ALCAM: variants seen among roughly 807,000 people sequenced by gnomAD.
The protein encoded by ALCAM is activated leukocyte cell adhesion molecule, also known as CD166 antigen.
A neutral mutation model predicts 70.9 loss-of-function variants in ALCAM; 30 were observed. That is an observed-to-expected ratio of 0.42 (90% CI 0.32 to 0.57). The LOEUF is 0.57. ALCAM is among the 20% of genes least tolerant of loss of function. ALCAM has a pLI of 0.11. For missense variants in ALCAM, 591 were observed against 695.1 expected (o/e 0.85, Z 1.68); for synonymous variants, 249 against 242.5 (o/e 1.03, Z -0.25).
intron 1 of ALCAM, among the ~76,000 whole-genome samples, chr3:105,517,602 T>C (rs1274047747): frequency 3.3e-5 from 5 of 152,172 alleles, no homozygotes; most frequent in African/African-American, 9.6e-5. Flanking sequence ...AATCAATCTT[T>C]AATTTCTCTT....
At chr3:105,370,664 C>CT (rs959708135) in intron 1 of ALCAM, among the ~76,000 whole-genome samples, 9 of 150,810 alleles carry the variant, frequency 6.0e-5, no homozygotes, top group African/African-American at 1.9e-4. Context: ...TTCTAATTTC[C>CT]TTTTTTTTTC....
chr3:105,403,935 CA>C (rs1936155223), intron 1 of ALCAM, among the ~76,000 whole-genome samples: 1 of 150,570 alleles, frequency 6.6e-6, no homozygotes, highest in African/African-American at 2.4e-5. Context: ...TAGAGAAATG[CA>C]AAATGTACTA....
intron 1 of ALCAM, among the ~76,000 whole-genome samples, chr3:105,475,945 A>G (rs1412423456): frequency 6.6e-6 from 1 of 151,950 alleles, no homozygotes; most frequent in African/African-American, 2.4e-5. Context: ...GTAAATAGCT[A>G]TCTATAACTG....
chr3:105,422,408 A>T (rs1559786255), intron 1 of ALCAM, among the ~76,000 whole-genome samples: 1 of 150,806 alleles, frequency 6.6e-6, no homozygotes, highest in African/African-American at 2.4e-5. Context: ...TCAGGCAGAA[A>T]TTTTTTTTTA....
chr3:105,386,370 C>T (rs1289722326), intron 1 of ALCAM, among the ~76,000 whole-genome samples: 1 of 151,554 alleles, frequency 6.6e-6, no homozygotes, highest in Non-Finnish European at 1.5e-5. Flanking sequence ...AATAGAAATA[C>T]TCAAGGCTGG....
chr3:105,536,933 A>G (rs1416547191), intron 6 of ALCAM, among the ~76,000 whole-genome samples: 1 of 152,138 alleles, frequency 6.6e-6, no homozygotes, highest in Non-Finnish European at 1.5e-5. Context: ...TTTAGTGGGT[A>G]TAGGACGGTG....
At chr3:105,528,997 A>T (rs987876884) in intron 3 of ALCAM, among the ~76,000 whole-genome samples, 1 of 152,188 alleles carries the variant, frequency 6.6e-6, no homozygotes, top group African/African-American at 2.4e-5. Context: ...CAACACACAC[A>T]TGCGTGCACA....
At chr3:105,521,933 G>A (rs149313305) in intron 2 of ALCAM, among the ~76,000 whole-genome samples, 2 of 152,302 alleles carry the variant, frequency 1.3e-5, no homozygotes, top group East Asian at 3.9e-4. Context: ...AGGCCTCTGA[G>A]GACAGAGTCT....
At chr3:105,407,867 A>C (rs1471050764) in intron 1 of ALCAM, among the ~76,000 whole-genome samples, 1 of 152,188 alleles carries the variant, frequency 6.6e-6, no homozygotes, top group Non-Finnish European at 1.5e-5. Flanking sequence ...AAGTTTCAGG[A>C]CACAAAATTA....
At chr3:105,454,653 A>ATTTTTTTTTTTTTTTTTTTTTTTT (rs59389132) in intron 1 of ALCAM, among the ~76,000 whole-genome samples, 4 of 61,756 alleles carry the variant, frequency 6.5e-5, no homozygotes, top group Non-Finnish European at 8.2e-5. Flanking sequence ...ATGCTCATTA[A>ATTTTTTTTTTTTTTTTTTTTTTTT]TTTTTTTTTT....
At chr3:105,531,242 A>T (rs548014885) in intron 3 of ALCAM, 4 of 152,066 alleles carry the variant, frequency 2.6e-5, no homozygotes. Context: ...CTTTTAATCA[A>T]TTGCTCCTGA....
chr3:105,500,261 C>T (rs1016850967), intron 1 of ALCAM, among the ~76,000 whole-genome samples: 1 of 152,086 alleles, frequency 6.6e-6, no homozygotes, highest in Non-Finnish European at 1.5e-5. Flanking sequence ...TGTAAGCCTG[C>T]CTGCCTTCTT....
chr3:105,466,719 ATGACCTGAAT>A (rs1221695746), intron 1 of ALCAM, among the ~76,000 whole-genome samples: 1 of 151,418 alleles, frequency 6.6e-6, no homozygotes, highest in Non-Finnish European at 1.5e-5. Flanking sequence ...TTAGTGACAA[ATGACCTGAAT>A]TGATTCTATC....
chr3:105,425,334 G>C (rs920498983), intron 1 of ALCAM, among the ~76,000 whole-genome samples: 3 of 151,644 alleles, frequency 2.0e-5, no homozygotes, highest in Non-Finnish European at 4.4e-5. Flanking sequence ...ATATACCTAG[G>C]CTTGAGCAGG....
chr3:105,526,483 C>A (rs983656796), intron 3 of ALCAM, among the ~76,000 whole-genome samples: 3 of 152,046 alleles, frequency 2.0e-5, no homozygotes, highest in African/African-American at 4.8e-5. Flanking sequence ...GCCAACACCC[C>A]CCTACTCCCT....
chr3:105,416,055 G>C (rs917123067), intron 1 of ALCAM, among the ~76,000 whole-genome samples: 1 of 151,934 alleles, frequency 6.6e-6, no homozygotes, highest in Non-Finnish European at 1.5e-5. Context: ...CTCTCTCCTT[G>C]TCCCCAAATT....
At chr3:105,526,257 T>C (rs1241337968) in intron 3 of ALCAM, among the ~76,000 whole-genome samples, 3 of 150,574 alleles carry the variant, frequency 2.0e-5, no homozygotes, top group Admixed American at 6.6e-5. Context: ...TTTGGAAGAA[T>C]TATTTGTGAC....
chr3:105,531,019 A>T (rs1383798838), intron 3 of ALCAM, among the ~76,000 whole-genome samples: 1 of 152,100 alleles, frequency 6.6e-6, no homozygotes, highest in Non-Finnish European at 1.5e-5. Context: ...TAAAAGAAAA[A>T]GTAGCTGATT....
At chr3:105,562,851 G>A (rs1276224290) in intron 14 of ALCAM, among the ~76,000 whole-genome samples, 1 of 152,034 alleles carries the variant, frequency 6.6e-6, no homozygotes, top group Non-Finnish European at 1.5e-5. Context: ...TGTTGCCCAG[G>A]CTGGAGCGCA....
Sources: gnomAD v4.1 joint callset for allele counts (sites outside exome capture counted in the v4.1 genomes callset) on GRCh38, gnomAD v4.1.1 for gene constraint, MANE v1.5 for transcripts, NCBI Gene and HGNC (gene_info 2026-07-23, HGNC 2026-07-21) for gene names.